The following VPS13A variants were observed in gnomAD, a reference collection of about 807,000 sequenced individuals.
VPS13A encodes the protein intermembrane lipid transfer protein VPS13A.
VPS13A carries 264 observed loss-of-function variants against 390.9 expected under a neutral mutation model. That is an observed-to-expected ratio of 0.68 (90% CI 0.61 to 0.75). The LOEUF (loss-of-function observed/expected upper bound fraction) is 0.75. VPS13A is among the 30% of genes least tolerant of loss of function. The probability of loss-of-function intolerance (pLI) is 0.00; values close to 1 mark genes in which losing one functional copy is unlikely to be tolerated. For synonymous variants in VPS13A, 1,231 were observed against 1,227.1 expected (o/e 1.00, Z -0.07); for missense variants, 3,409 against 3,733.9 (o/e 0.91, Z 2.27).
At chr9:77,242,669 A>T (rs1020044902) in intron 19 of VPS13A, among the ~76,000 whole-genome samples, 7 of 151,912 alleles carry the variant, frequency 4.6e-5, no homozygotes, top group African/African-American at 1.7e-4. Context: ...TTCTTGATTG[A>T]TAGAAACTCA....
chr9:77,360,835 C>T (rs1275090197), intron 59 of VPS13A, among the ~76,000 whole-genome samples, 194 bp downstream of exon 59: 1 of 151,982 alleles, frequency 6.6e-6, no homozygotes, highest in Non-Finnish European at 1.5e-5. Flanking sequence ...GGAGGAAAGG[C>T]TTGGGGTGAA....
At chr9:77,411,920 C>T (rs887447297) in intron 71 of VPS13A, among the ~76,000 whole-genome samples, 3 of 151,896 alleles carry the variant, frequency 2.0e-5, no homozygotes, top group Admixed American at 6.6e-5. Context: ...ATACCACCAC[C>T]GATCCCACAG....
chr9:77,275,324 C>T (rs1826586473), intron 24 of VPS13A, among the ~76,000 whole-genome samples, 174 bp from the exon 25 acceptor site: 1 of 151,946 alleles, frequency 6.6e-6, no homozygotes, highest in South Asian at 2.1e-4. Flanking sequence ...TTAAAATGGA[C>T]AATAAAAAAG....
At chr9:77,242,449 G>A (rs1214691790) in intron 19 of VPS13A, among the ~76,000 whole-genome samples, 2 of 151,910 alleles carry the variant, frequency 1.3e-5, no homozygotes, top group African/African-American at 4.8e-5. Flanking sequence ...TCTGGCTTTT[G>A]CTCATTTTTC....
At chr9:77,406,043 G>C in intron 70 of VPS13A, 56 bp downstream of exon 70, 1 of 1,600,408 alleles carries the variant, frequency 6.2e-7, no homozygotes, top group Non-Finnish European at 8.5e-7. Flanking sequence ...ATGCTTTGAA[G>C]TAGTCCTTTT....
intron 17 of VPS13A, among the ~76,000 whole-genome samples, chr9:77,233,066 T>C (rs1378131705): frequency 6.6e-6 from 1 of 152,204 alleles, no homozygotes; most frequent in South Asian, 2.1e-4. Context: ...TAAAGTTTAC[T>C]ATAGGTTTTT....
At chr9:77,222,380 A>G (rs1247917522) in intron 13 of VPS13A, among the ~76,000 whole-genome samples, 1 of 152,128 alleles carries the variant, frequency 6.6e-6, no homozygotes, top group Admixed American at 6.6e-5. Context: ...CTCAAAAGTA[A>G]TTATGGGTAT....
intron 33 of VPS13A, among the ~76,000 whole-genome samples, chr9:77,298,920 C>T (rs1425065564): frequency 1.6e-4 from 24 of 152,154 alleles, no homozygotes; most frequent in Admixed American, 1.6e-3. Flanking sequence ...GCCGCTGTGT[C>T]TCCTTTACTT....
chr9:77,242,923 C>G (rs1824591492), intron 19 of VPS13A, among the ~76,000 whole-genome samples: 1 of 151,648 alleles, frequency 6.6e-6, no homozygotes. Flanking sequence ...ACTTTGTTTT[C>G]TTTTCTATAC....
chr9:77,316,118 TAATA>T (rs1405353321), intron 38 of VPS13A, 52 bp from the exon 39 acceptor site: 1 of 940,834 alleles, frequency 1.1e-6, no homozygotes, highest in Non-Finnish European at 1.4e-6. Context: ...TTCTTATAAA[TAATA>T]AATTATTCAT....
intron 52 of VPS13A, among the ~76,000 whole-genome samples, chr9:77,347,665 ATCTC>A (rs1251502897): frequency 6.6e-6 from 1 of 152,036 alleles, no homozygotes; most frequent in Non-Finnish European, 1.5e-5. Context: ...TTTTTTATCT[ATCTC>A]TATATATCTA....
chr9:77,382,013 C>T lies in VPS13A; in HGVS notation c.9115C>T (p.Pro3039Ser). Residue 3039 changes from proline to serine, a missense_variant, in exon 68 of 72, where the codon CCT becomes TCT. Transcript: ENST00000360280. ...ETSEVESLRP[P>S]RFFNEDGVIR... ...TTCTGAAGTGGAGAGTCTGCGACCT[C>T]CTCGGTTCTTCAATGAAGATGGAGT... The T allele has an allele frequency of 6.2e-7, 1 of 1,607,900 alleles. No homozygotes were observed. Among genetic ancestry groups the T allele is most frequent in the East Asian group, 2.2e-5 (1 of 44,524 alleles).
intron 68 of VPS13A, among the ~76,000 whole-genome samples, chr9:77,402,450 A>G (rs1834433109): frequency 6.6e-6 from 1 of 152,182 alleles, no homozygotes; most frequent in African/African-American, 2.4e-5. Flanking sequence ...AATTCATAAC[A>G]TGCCTCTTCT....
At chr9:77,189,146 T>C (rs1824523222) in intron 1 of VPS13A, among the ~76,000 whole-genome samples, 1 of 151,456 alleles carries the variant, frequency 6.6e-6, no homozygotes, top group Admixed American at 6.6e-5. Flanking sequence ...TTTTTTTTTT[T>C]TTTTGTAGTT....
chr9:77,338,109 G>A (rs1830632155), intron 47 of VPS13A: 1 of 152,420 alleles, frequency 6.6e-6, no homozygotes, highest in African/African-American at 2.4e-5. Context: ...CCGAGTAGCT[G>A]GGACTACAGG....
chr9:77,213,237 A>T lies in VPS13A; in HGVS notation c.619A>T (p.Ile207Phe), dbSNP rs1826071161. Residue 207 changes from isoleucine (I) to phenylalanine (F), a missense_variant, in exon 9 of 72, where the codon ATC becomes TTC. Ile to Phe is a conservative substitution (Grantham distance 21). Transcript: ENST00000360280. Reference sequence around the variant, plus strand: ...ATCTAATAAATTTTATTTTCAGTTAATCCGATTGGATAACCTGTTTGCCTA... The same window carrying T: ...ATCTAATAAATTTTATTTTCAGTTATTCCGATTGGATAACCTGTTTGCCTA... ...DETEKLVRKL[I>F]RLDNLFAYWN... is the part of the protein sequence containing the mutation. The T allele has an allele frequency of 6.2e-7, 1 of 1,613,202 alleles. No homozygotes were observed. The highest frequency in any genetic ancestry group is 1.3e-5 in the African/African-American group (1 of 74,918).
intron 5 of VPS13A, among the ~76,000 whole-genome samples, chr9:77,208,724 A>AT (rs1311986107): frequency 6.6e-6 from 1 of 151,942 alleles, no homozygotes; most frequent in Non-Finnish European, 1.5e-5. Flanking sequence ...TAATTTTTAT[A>AT]TTTTTAATAG....
At position 77,365,492 on chromosome 9, in the gene VPS13A, C is replaced by T; in HGVS notation, c.8244C>T (p.Phe2748=). ...VELFHKDIEA[F]KEEYKTASLV... ...TTTTTCATAAAGATATAGAAGCTTTCAAAGAAGAATATAAAACAGCCTCAT... is the reference window on the plus strand; with the variant it reads ...TTTTTCATAAAGATATAGAAGCTTTTAAAGAAGAATATAAAACAGCCTCAT... The change falls in exon 60 of 72, where the codon TTC becomes TTT. Residue 2748 remains phenylalanine (F), a synonymous_variant. Coordinates refer to ENST00000360280, the MANE Select transcript of VPS13A (RefSeq NM_033305.3). 6.2e-7 allele frequency: 1 copy of T among 1,611,652 alleles called. No homozygotes were observed. Among genetic ancestry groups the T allele is most frequent in the East Asian group, 2.2e-5 (1 of 44,680 alleles).
At chr9:77,200,010 T>C (rs983390862) in intron 2 of VPS13A, 22 bp downstream of exon 2, 1 of 1,589,178 alleles carries the variant, frequency 6.3e-7, no homozygotes, top group East Asian at 2.2e-5. Flanking sequence ...CTATGAAAAA[T>C]TTGTAAAGTT....
Sources: allele counts gnomAD v4.1 joint callset (sites outside exome capture counted in the v4.1 genomes callset), GRCh38; gene constraint gnomAD v4.1.1; transcripts MANE v1.5; gene names NCBI Gene and HGNC (gene_info 2026-07-23, HGNC 2026-07-21).